Variants in EYS observed in about 807,000 individuals in gnomAD.
The protein encoded by EYS is EGF-like photoreceptor maintenance factor.
A neutral mutation model predicts 282.1 loss-of-function variants in EYS; 250 were observed. The observed-to-expected ratio is 0.89, with a 90% CI of 0.80 to 0.98. The LOEUF is 0.98. EYS is among the 50% of genes least tolerant of loss of function. The probability of loss-of-function intolerance (pLI) is 0.00; values close to 1 mark genes in which losing one functional copy is unlikely to be tolerated. For missense variants in EYS, 4,016 were observed against 3,709.0 expected, an observed-to-expected ratio of 1.08 and a Z score of -2.15; for synonymous variants, 1,355 against 1,282.9, an observed-to-expected ratio of 1.06 and a Z score of -1.20.
chr6:64,937,026 C>T (rs1768930342), intron 15 of EYS, among the ~76,000 whole-genome samples: 1 of 151,218 alleles, frequency 6.6e-6, no homozygotes, highest in Non-Finnish European at 1.5e-5. Flanking sequence ...TTAAAGTTAC[C>T]AAGATAATTT....
At chr6:65,065,141 A>T (rs1327194247) in intron 12 of EYS, among the ~76,000 whole-genome samples, 2 of 152,124 alleles carry the variant, frequency 1.3e-5, no homozygotes, top group African/African-American at 2.4e-5. Flanking sequence ...GGAGAACATG[A>T]GTTTATAGAG....
At chr6:65,261,504 A>G (rs1382174143) in intron 12 of EYS, among the ~76,000 whole-genome samples, 1 of 152,016 alleles carries the variant, frequency 6.6e-6, no homozygotes, top group African/African-American at 2.4e-5. Context: ...GCAATAGTAA[A>G]CTCAATTATG....
At chr6:64,280,866 A>G (rs1268975043) in intron 30 of EYS, among the ~76,000 whole-genome samples, 3 of 152,138 alleles carry the variant, frequency 2.0e-5, no homozygotes, top group Non-Finnish European at 4.4e-5. Flanking sequence ...CAGAAAAAGC[A>G]CATAAACTAT....
At chr6:63,957,054 C>T (rs1765857045) in intron 35 of EYS, among the ~76,000 whole-genome samples, 1 of 152,122 alleles carries the variant, frequency 6.6e-6, no homozygotes, top group African/African-American at 2.4e-5. Flanking sequence ...TCTGGATGTA[C>T]TATATTGATG....
intron 22 of EYS, among the ~76,000 whole-genome samples, chr6:64,670,314 C>T (rs1769404410): frequency 6.6e-6 from 1 of 151,900 alleles, no homozygotes; most frequent in Non-Finnish European, 1.5e-5. Flanking sequence ...TATGGCCTCT[C>T]CCCTATTTCA....
chr6:64,510,928 C>T (rs908121516), intron 26 of EYS, among the ~76,000 whole-genome samples: 3 of 151,994 alleles, frequency 2.0e-5, no homozygotes, highest in Admixed American at 6.6e-5. Flanking sequence ...GGCTTCCCAC[C>T]TGGGGCCACG....
chr6:64,195,597 C>CT (rs2150318949), intron 31 of EYS, among the ~76,000 whole-genome samples: 1 of 152,230 alleles, frequency 6.6e-6, no homozygotes, highest in Non-Finnish European at 1.5e-5. Flanking sequence ...CTATGCCCAG[C>CT]TTTTTTATTA....
intron 35 of EYS, among the ~76,000 whole-genome samples, chr6:63,974,782 C>G (rs1191075813): frequency 2.0e-5 from 3 of 152,086 alleles, no homozygotes; most frequent in East Asian, 3.9e-4. Context: ...GTAATCATGA[C>G]TTTAATACAA....
intron 35 of EYS, among the ~76,000 whole-genome samples, chr6:63,871,747 C>A (rs1246755293): frequency 1.3e-5 from 2 of 152,102 alleles, no homozygotes; most frequent in African/African-American, 4.8e-5. Flanking sequence ...GGAGCTGGAC[C>A]CTGTAAACAC....
intron 31 of EYS, among the ~76,000 whole-genome samples, chr6:64,118,498 A>T (rs1375153606): frequency 6.6e-6 from 1 of 152,142 alleles, no homozygotes; most frequent in Non-Finnish European, 1.5e-5. Flanking sequence ...CAGAAAAATG[A>T]AACTAGATCC....
chr6:64,184,791 A>C (rs1255853163), intron 31 of EYS, among the ~76,000 whole-genome samples: 1 of 152,206 alleles, frequency 6.6e-6, no homozygotes, highest in African/African-American at 2.4e-5. Flanking sequence ...AAAAAGAATA[A>C]GAATTTTATT....
intron 26 of EYS, among the ~76,000 whole-genome samples, chr6:64,464,436 A>G (rs1308753576): frequency 6.6e-6 from 1 of 152,174 alleles, no homozygotes; most frequent in Non-Finnish European, 1.5e-5. Flanking sequence ...TGGAAGTCCA[A>G]GCCAAAGTAA....
intron 12 of EYS, among the ~76,000 whole-genome samples, chr6:65,272,711 C>T (rs2150267453): frequency 6.6e-6 from 1 of 152,234 alleles, no homozygotes; most frequent in East Asian, 1.9e-4. Flanking sequence ...ATTCTTAACA[C>T]AGTAATGAAT....
At chr6:64,416,627 A>C (rs1774066292) in intron 28 of EYS, among the ~76,000 whole-genome samples, 1 of 151,636 alleles carries the variant, frequency 6.6e-6, no homozygotes, top group South Asian at 2.1e-4. Context: ...ATAAGTACTT[A>C]ATGTTTATCA....
intron 2 of EYS, among the ~76,000 whole-genome samples, chr6:65,572,194 T>C (rs1439152679): frequency 6.6e-6 from 1 of 152,086 alleles, no homozygotes; most frequent in Non-Finnish European, 1.5e-5. Flanking sequence ...TTATAGACTC[T>C]TCAATAAATC....
At chr6:64,223,745 A>T (rs1766172805) in intron 31 of EYS, among the ~76,000 whole-genome samples, 1 of 152,096 alleles carries the variant, frequency 6.6e-6, no homozygotes, top group African/African-American at 2.4e-5. Context: ...GTGGGTATAC[A>T]CGTAATGTAT....
Position 64,082,212 on chromosome 6 carries a change from T to C in EYS, c.6425-210A>G, listed in dbSNP as rs150511400. On this transcript the variant is annotated intron_variant, in intron 31 of 42. Transcript: ENST00000503581. ...TCACTACCAGTACAGAGGAAAAGAC[T>C]GAATAAGAGTTATAATTTGATGTTT... 9.9e-4 allele frequency among the ~76,000 whole-genome samples: 150 copies of C among 152,278 alleles called. 1 individual carries two copies. Among genetic ancestry groups the C allele is most frequent in the Non-Finnish European group, 1.5e-3 (105 of 67,990 alleles).
At chr6:63,902,397 A>G (rs1386941418) in intron 35 of EYS, among the ~76,000 whole-genome samples, 1 of 152,236 alleles carries the variant, frequency 6.6e-6, no homozygotes, top group African/African-American at 2.4e-5. Context: ...TCAGGCTGGC[A>G]ACTTAAGTCC....
intron 22 of EYS, among the ~76,000 whole-genome samples, chr6:64,770,466 C>G (rs560236261): frequency 3.9e-5 from 6 of 151,992 alleles, no homozygotes; most frequent in Non-Finnish European, 5.9e-5. Context: ...GTTTTAAAAA[C>G]AATTCCAAAA....
Sources: allele counts gnomAD v4.1 joint callset (sites outside exome capture counted in the v4.1 genomes callset), GRCh38; gene constraint gnomAD v4.1.1; transcripts MANE v1.5; gene names NCBI Gene and HGNC (gene_info 2026-07-23, HGNC 2026-07-21).